Variants in ADGRL1 observed in about 807,000 individuals in gnomAD.
ADGRL1 encodes the protein CIRL-1.
ADGRL1 carries 31 observed loss-of-function variants against 148.9 expected under a neutral mutation model. That is an observed-to-expected ratio of 0.21 (90% confidence interval 0.16 to 0.28). ADGRL1 has a LOEUF of 0.28. Among genes scored for constraint, ADGRL1 ranks in the 10% least tolerant of loss-of-function variants. ADGRL1 has a pLI of 1.00. For missense variants in ADGRL1, 1,521 were observed against 2,058.8 expected, an observed-to-expected ratio of 0.74 and a Z score of 5.05; for synonymous variants, 937 against 900.3, an observed-to-expected ratio of 1.04 and a Z score of -0.73.
In ADGRL1 at chr19:14,163,097, G is replaced by A. The variant is rs760044925; in HGVS notation, c.704C>T (p.Thr235Met). Residue 235 changes from threonine to methionine, a missense_variant, in exon 5 of 23, where the codon ACG becomes ATG. Thr to Met is a moderately conservative substitution (Grantham distance 81). This residue lies in a region of ADGRL1 where 334 missense variants were observed against 512.5 expected (regional missense o/e 0.65). Coordinates refer to ENST00000361434, the MANE Select transcript of ADGRL1 (RefSeq NM_014921.5). ...TRNIVKYDLRTRIKSGETVIN... is the reference protein window; with the variant it reads ...TRNIVKYDLRMRIKSGETVIN... ...GACCGTCTCCCCGCTCTTGATGCGC[G>A]TCCGTAGGTCATACTTGACGATGTT... 9 of 1,614,000 alleles carry A rather than the reference G, an allele frequency of 5.6e-6. No homozygotes were observed. The highest frequency in any genetic ancestry group is 2.2e-5 in the East Asian group (1 of 44,880).
At chr19:14,176,538 GCT>G (rs1308063265) in intron 3 of ADGRL1, among the ~76,000 whole-genome samples, 1 of 152,000 alleles carries the variant, frequency 6.6e-6, no homozygotes, top group South Asian at 2.1e-4. Flanking sequence ...AGCCTGATGA[GCT>G]CTCAAATCTG....
intron 1 of ADGRL1, among the ~76,000 whole-genome samples, chr19:14,194,479 T>C (rs1972133084): frequency 6.6e-6 from 1 of 152,218 alleles, no homozygotes; most frequent in Non-Finnish European, 1.5e-5. Context: ...CAGCTCCAAG[T>C]GCCAGCCCGA....
At chr19:14,205,567 C>T (rs1250916692) in intron 1 of ADGRL1, among the ~76,000 whole-genome samples, 1 of 152,006 alleles carries the variant, frequency 6.6e-6, no homozygotes, top group Non-Finnish European at 1.5e-5. Context: ...ACCCAGACAC[C>T]TACACAAACA....
At chr19:14,182,807 G>A (rs1438273389) in intron 2 of ADGRL1, among the ~76,000 whole-genome samples, 1 of 152,176 alleles carries the variant, frequency 6.6e-6, no homozygotes, top group Non-Finnish European at 1.5e-5. Flanking sequence ...CAAGGCCCTG[G>A]GGCCCAGCTG....
intron 2 of ADGRL1, among the ~76,000 whole-genome samples, chr19:14,180,157 G>A (rs1405459794): frequency 1.1e-4 from 16 of 152,070 alleles, no homozygotes; most frequent in Admixed American, 1.0e-3. Flanking sequence ...CATTGTTGCC[G>A]GGAGAGTTAA....
In ADGRL1 at chr19:14,159,235, C is replaced by T; in HGVS notation, c.2024-20G>A. 2 of 1,613,554 alleles carry T rather than the reference C, an allele frequency of 1.2e-6. No individual in the cohort carries two copies. Among genetic ancestry groups the T allele is most frequent in the Middle Eastern group, 1.7e-4 (1 of 6,060 alleles). The stretch of plus-strand genomic sequence containing the variant: ...CCAGGACTGTGGGGACAGGGGAAGG[C>T]AAGGCATACACAGTTGGGGTCTGTT... On this transcript the variant is annotated intron_variant, in intron 10 of 22. Coordinates refer to ENST00000361434, the MANE Select transcript of ADGRL1 (RefSeq NM_014921.5). The surrounding 1 kb of genome is among the most constrained non-coding windows in gnomAD (Gnocchi z 6.0).
chr19:14,204,824 T>C (rs1972875007), intron 1 of ADGRL1, among the ~76,000 whole-genome samples: 2 of 150,826 alleles, frequency 1.3e-5, no homozygotes, highest in African/African-American at 2.4e-5. Context: ...CAGGCACACA[T>C]GTTGGGAAGT....
In ADGRL1 at chr19:14,162,607, A is replaced by C; in HGVS notation, c.1194T>G (p.Ala398=). The C allele has an allele frequency of 6.2e-7, 1 of 1,602,464 alleles. No homozygotes were observed. Among genetic ancestry groups the C allele is most frequent in the Non-Finnish European group, 8.5e-7 (1 of 1,172,052 alleles). ...SLEFGPPDPS[A]GPATSPPLST... ...TGCCTGGAAGTGAGTCGTCCTCACC[A>C]GCACTGGGGTCGGGCGGCCCGAACT... is the stretch of plus-strand genomic sequence containing the variant. The change falls in exon 5 of 23, where the codon GCT becomes GCG. Residue 398 remains alanine, a splice_region_variant and synonymous_variant. Coordinates refer to ENST00000361434, the MANE Select transcript of ADGRL1 (RefSeq NM_014921.5). This position sits in a 1 kb window ranked among gnomAD's most constrained non-coding sequence, Gnocchi z 5.4.
At position 14,152,215 on chromosome 19, in the gene ADGRL1, C is replaced by A. The variant is rs1372753927; in HGVS notation, c.3650-65G>T. On this transcript the variant is annotated intron_variant, in intron 21 of 22. Transcript: ENST00000361434. The surrounding 1 kb of genome is among the most constrained non-coding windows in gnomAD (Gnocchi z 6.1). ...GATGAGCTCGAAATGCAAGTCCAGGCTCCAGTTCTGGGGCACAGAACATCC... is the reference window on the plus strand; with the variant it reads ...GATGAGCTCGAAATGCAAGTCCAGGATCCAGTTCTGGGGCACAGAACATCC... 1 of 1,614,096 alleles carries A rather than the reference C, an allele frequency of 6.2e-7. No individual in the cohort carries two copies. The highest frequency in any genetic ancestry group is 8.5e-7 in the Non-Finnish European group (1 of 1,180,004).
In ADGRL1 at chr19:14,158,469, C is replaced by T. The variant is rs146726289; in HGVS notation, c.2233G>A (p.Glu745Lys). The T allele has an allele frequency of 5.6e-6, 9 of 1,613,974 alleles. No homozygotes were observed. Among genetic ancestry groups the T allele is most frequent in the Non-Finnish European group, 7.6e-6 (9 of 1,180,014 alleles). Residue 745 changes from glutamate to lysine, a missense_variant, in exon 12 of 23, where the codon GAA becomes AAA. Physicochemically the swap from Glu to Lys is moderately conservative, Grantham distance 56. Coordinates refer to ENST00000361434, the MANE Select transcript of ADGRL1 (RefSeq NM_014921.5). Reference sequence around the variant, plus strand: ...CCCCCAGGGCCACCCGGGCCTGCTTCGCCGGCCAGCTTCACTGTGGCATTC... The same window carrying T: ...CCCCCAGGGCCACCCGGGCCTGCTTTGCCGGCCAGCTTCACTGTGGCATTC... ...TENATVKLAG[E>K]AGPGGPGGAS...
In ADGRL1 at chr19:14,162,721, G is replaced by A; in HGVS notation, c.1080C>T (p.Pro360=). The A allele has an allele frequency of 1.2e-6, 2 of 1,614,232 alleles. No homozygotes were observed. The highest frequency in any genetic ancestry group is 1.7e-6 in the Non-Finnish European group (2 of 1,180,030). ...EEPVSLTFPN[P]YQFISSVDYN... The stretch of plus-strand genomic sequence containing the variant: ...AGTCAACGGAGGAGATGAACTGGTA[G>A]GGGTTGGGGAAGGTGAGGCTGACAG... Residue 360 remains proline, a synonymous_variant, in exon 5 of 23, where the codon CCC becomes CCT. Coordinates refer to ENST00000361434, the MANE Select transcript of ADGRL1 (RefSeq NM_014921.5). This position sits in a 1 kb window ranked among gnomAD's most constrained non-coding sequence, Gnocchi z 5.4.
chr19:14,155,246 C>T lies in ADGRL1; in HGVS notation c.3294+113G>A. On this transcript the variant is annotated intron_variant, in intron 18 of 22. Coordinates refer to ENST00000361434, the MANE Select transcript of ADGRL1 (RefSeq NM_014921.5). The surrounding 1 kb of genome is among the most constrained non-coding windows in gnomAD (Gnocchi z 5.0). The stretch of plus-strand genomic sequence containing the variant: ...CTGACCACAGAAGCCCTGCAGCACT[C>T]ACTGGGGGCTTGAGGGAGCCCCTGA... 6.4e-6 allele frequency: 8 copies of T among 1,246,586 alleles called. No homozygotes were observed. Among genetic ancestry groups the T allele is most frequent in the Non-Finnish European group, 9.0e-6 (8 of 884,278 alleles). The allele number at this position is 1,246,586 out of a possible 1,614,324, so 77.2% of individuals were successfully genotyped here. A position where few individuals can be genotyped will look rare whatever the true frequency, so the allele number is the denominator to read the frequency against.
rs1969455998 is a variant in ADGRL1, at chr19:14,162,083, C to A, written c.1196-457G>T. 6.6e-6 allele frequency among the ~76,000 whole-genome samples: 1 copy of A among 152,168 alleles called. No individual in the cohort carries two copies. The highest frequency in any genetic ancestry group is 6.5e-5 in the Admixed American group (1 of 15,284). ...TTCCTTCTGGGGGCCTCAACTCCCC[C>A]TTTTGCAAACAAGATGGGGTTAGAT... On this transcript the variant is annotated intron_variant, in intron 5 of 22. Coordinates refer to ENST00000361434, the MANE Select transcript of ADGRL1 (RefSeq NM_014921.5). The surrounding 1 kb of genome is among the most constrained non-coding windows in gnomAD (Gnocchi z 5.4).
chr19:14,156,761 C>G, intron 15 of ADGRL1, 37 bp from the exon 16 acceptor site: 1 of 1,584,862 alleles, frequency 6.3e-7, no homozygotes, highest in South Asian at 1.1e-5. Flanking sequence ...AGAGAGAAGC[C>G]GAGGAGCCAT....
Position 14,149,382 on chromosome 19 carries a change from T to C in ADGRL1, c.*1491A>G, listed in dbSNP as rs1967925516. 6.6e-6 allele frequency: 1 copy of C among 152,630 alleles called. No homozygotes were observed. The highest frequency in any genetic ancestry group is 6.6e-5 in the Admixed American group (1 of 15,260). 9.5% of individuals were successfully genotyped at this position (152,630 alleles called of 1,614,324 possible). A position where few individuals can be genotyped will look rare whatever the true frequency, so the allele number is the denominator to read the frequency against. ...GACCGCCTTGCCGTTCCCAGCACCC[T>C]CCTCAGCCATACCCATGCCCTCCAC... is the stretch of plus-strand genomic sequence containing the variant. On this transcript the variant is annotated 3_prime_UTR_variant, in exon 23 of 23. Coordinates refer to ENST00000361434, the MANE Select transcript of ADGRL1 (RefSeq NM_014921.5).
At position 14,160,456 on chromosome 19, in the gene ADGRL1, G is replaced by A; in HGVS notation, c.1614+137C>T. 1.1e-6 allele frequency: 1 copy of A among 911,448 alleles called. No individual in the cohort carries two copies. Among genetic ancestry groups the A allele is most frequent in the Non-Finnish European group, 1.6e-6 (1 of 611,204 alleles). 56.5% of individuals were successfully genotyped at this position (911,448 alleles called of 1,614,324 possible). A position where few individuals can be genotyped will look rare whatever the true frequency, so the allele number is the denominator to read the frequency against. Reference sequence around the variant, plus strand: ...CCCATCTGTCCCTGCTCCCTTTGTAGGCCAGGGAGGTGACCCCACAGTCCT... The same window carrying A: ...CCCATCTGTCCCTGCTCCCTTTGTAAGCCAGGGAGGTGACCCCACAGTCCT... On this transcript the variant is annotated intron_variant, in intron 7 of 22. Transcript: ENST00000361434. This position sits in a 1 kb window ranked among gnomAD's most constrained non-coding sequence, Gnocchi z 5.9.
At chr19:14,184,839 C>T (rs978157200) in intron 1 of ADGRL1, among the ~76,000 whole-genome samples, 1 of 151,888 alleles carries the variant, frequency 6.6e-6, no homozygotes, top group African/African-American at 2.4e-5. Context: ...TGGGGTTTCA[C>T]CGTGTTAGCC....
chr19:14,195,648 C>T (rs572646210), intron 1 of ADGRL1, among the ~76,000 whole-genome samples: 19 of 152,264 alleles, frequency 1.2e-4, no homozygotes, highest in Admixed American at 5.9e-4. Flanking sequence ...CTCAGGCATC[C>T]GGCAGGTCCA....
At chr19:14,199,623 C>T (rs1972475039) in intron 1 of ADGRL1, among the ~76,000 whole-genome samples, 2 of 151,992 alleles carry the variant, frequency 1.3e-5, no homozygotes, top group Admixed American at 6.6e-5. Context: ...ATGGGGGCCT[C>T]GTTATGTTTC....
Sources: gnomAD v4.1 joint callset for allele counts (sites outside exome capture counted in the v4.1 genomes callset) on GRCh38, gnomAD v4.1.1 for gene constraint, gnomAD v4.1.1 regional missense constraint, Gnocchi (gnomAD v3.1) non-coding constraint, MANE v1.5 for transcripts, NCBI Gene and HGNC (gene_info 2026-07-23, HGNC 2026-07-21) for gene names.